The following TMOD2 variants were observed in gnomAD, a reference collection of about 807,000 sequenced individuals.
The protein encoded by TMOD2 is tropomodulin-2.
Under a neutral mutation model 39.9 loss-of-function variants are expected in TMOD2, and 22 were observed. The ratio of observed to expected loss-of-function variants is 0.55; its 90% confidence interval spans 0.39 to 0.79. TMOD2 has a LOEUF of 0.79. TMOD2 is among the 30% of genes least tolerant of loss of function. The pLI is 0.00. For missense variants in TMOD2, 386 were observed against 413.3 expected (o/e 0.93, Z 0.57); for synonymous variants, 123 against 146.1 (o/e 0.84, Z 1.14).
chr15:51,795,577 GCTTTCTTTCTTTCTTT>G lies in TMOD2; in HGVS notation c.733-2573_733-2558del, dbSNP rs202116010. On this transcript the variant is annotated intron_variant, in intron 7 of 9. Transcript: ENST00000249700. ...CTTCTTCTCTTCTGCTTGCTTGCTT[GCTTTCTTTCTTTCTTT>G]CTTTCTTTCTTTCTTTCTTTCTTTC... Among the ~76,000 whole-genome samples, 399 of 42,056 alleles carry G rather than the reference GCTTTCTTTCTTTCTTT, an allele frequency of 9.5e-3. 4 individuals are homozygous for G. Among genetic ancestry groups the G allele is most frequent in the Admixed American group, 0.033 (122 of 3,688 alleles). The allele number at this position is 42,056 out of a possible 152,430, so 27.6% of individuals were successfully genotyped here.
In TMOD2 at chr15:51,809,343, T is replaced by C. The variant is rs1335886736; in HGVS notation, c.*889T>C. ...GCTGTCTGATGCAGATGATTGCATTTTTTGGCAAATTTTAGAAGCATTTAT... is the reference window on the plus strand; with the variant it reads ...GCTGTCTGATGCAGATGATTGCATTCTTTGGCAAATTTTAGAAGCATTTAT... On this transcript the variant is annotated 3_prime_UTR_variant, in exon 10 of 10. Coordinates refer to ENST00000249700, the MANE Select transcript of TMOD2 (RefSeq NM_014548.4). The C allele has an allele frequency of 6.6e-6, 1 of 152,668 alleles. No individual in the cohort carries two copies. Among genetic ancestry groups the C allele is most frequent in the Non-Finnish European group, 1.5e-5 (1 of 68,054 alleles). The allele number at this position is 152,668 out of a possible 1,614,324, so 9.5% of individuals were successfully genotyped here.
At chr15:51,777,078 G>T in intron 5 of TMOD2, 60 bp downstream of exon 5, 1 of 1,426,902 alleles carries the variant, frequency 7.0e-7, no homozygotes, top group East Asian at 2.3e-5. Flanking sequence ...GTTGCTGGTA[G>T]GAGAGAGGCC....
intron 3 of TMOD2, among the ~76,000 whole-genome samples, chr15:51,772,035 T>A (rs2055857146): frequency 6.6e-6 from 1 of 152,188 alleles, no homozygotes; most frequent in African/African-American, 2.4e-5. Context: ...TGTTTGCTTA[T>A]CCAGCCATTT....
intron 8 of TMOD2, among the ~76,000 whole-genome samples, chr15:51,799,838 A>C (rs2056076739): frequency 1.3e-5 from 2 of 152,204 alleles, no homozygotes; most frequent in Non-Finnish European, 2.9e-5. Context: ...GTGGGCACTT[A>C]GTAAATATTT....
At chr15:51,779,420 G>A (rs1292882363) in intron 5 of TMOD2, among the ~76,000 whole-genome samples, 1 of 148,860 alleles carries the variant, frequency 6.7e-6, no homozygotes, top group African/African-American at 2.5e-5. Flanking sequence ...TCGCTCTGTT[G>A]CCCAGGCTGG....
Position 51,809,345 on chromosome 15 carries a change from T to C in TMOD2, c.*891T>C, listed in dbSNP as rs2056141299. The C allele has an allele frequency of 6.5e-6, 1 of 152,672 alleles. No individual in the cohort carries two copies. The highest frequency in any genetic ancestry group is 1.9e-4 in the East Asian group (1 of 5,204). 9.5% of individuals were successfully genotyped at this position (152,672 alleles called of 1,614,324 possible). On this transcript the variant is annotated 3_prime_UTR_variant, in exon 10 of 10. Transcript: ENST00000249700. Reference sequence around the variant, plus strand: ...TGTCTGATGCAGATGATTGCATTTTTTGGCAAATTTTAGAAGCATTTATTG... The same window carrying C: ...TGTCTGATGCAGATGATTGCATTTTCTGGCAAATTTTAGAAGCATTTATTG...
intron 7 of TMOD2, among the ~76,000 whole-genome samples, chr15:51,789,186 T>TA (rs1045809173): frequency 2.0e-5 from 3 of 151,172 alleles, no homozygotes; most frequent in African/African-American, 7.3e-5. Flanking sequence ...AAATGGAAAG[T>TA]AAAAAAAAGC....
At chr15:51,808,356 G>GT in intron 9 of TMOD2, 64 bp from the exon 10 acceptor site, 1 of 1,359,172 alleles carries the variant, frequency 7.4e-7, no homozygotes, top group Non-Finnish European at 1.0e-6. Flanking sequence ...GATTAATGTT[G>GT]TTTATCTGGA....
At position 51,808,653 on chromosome 15, in the gene TMOD2, A is replaced by G. The variant is rs2056136723; in HGVS notation, c.*199A>G. ...ATATATGCAATTGTTTTATTTGCTC[A>G]TGGGCACTTCTGGCAACTTGACAAA... is the stretch of plus-strand genomic sequence containing the variant. On this transcript the variant is annotated 3_prime_UTR_variant, in exon 10 of 10. Transcript: ENST00000249700. 9.8e-6 allele frequency: 4 copies of G among 407,096 alleles called. No homozygotes were observed. The highest frequency in any genetic ancestry group is 1.7e-5 in the Non-Finnish European group (4 of 229,564). The allele number at this position is 407,096 out of a possible 1,614,324, so 25.2% of individuals were successfully genotyped here.
Position 51,809,872 on chromosome 15 carries a change from A to C in TMOD2, c.*1418A>C, listed in dbSNP as rs1487511127. 1.3e-5 allele frequency: 2 copies of C among 152,222 alleles called. No individual in the cohort carries two copies. Among genetic ancestry groups the C allele is most frequent in the Admixed American group, 6.5e-5 (1 of 15,286 alleles). 9.4% of individuals were successfully genotyped at this position (152,222 alleles called of 1,614,324 possible). On this transcript the variant is annotated 3_prime_UTR_variant, in exon 10 of 10. Transcript: ENST00000249700. ...AGCAATAAAACAAGTGAATAGGAAA[A>C]TAATTAATATATTATTCTATTTAGC...
intron 9 of TMOD2, among the ~76,000 whole-genome samples, 168 bp from the exon 10 acceptor site, chr15:51,808,252 C>T (rs1012414447): frequency 2.0e-5 from 3 of 152,168 alleles, no homozygotes; most frequent in Non-Finnish European, 4.4e-5. Context: ...CCACCAGACA[C>T]TGGATGAATT....
At chr15:51,754,634 A>C (rs1039741798) in intron 1 of TMOD2, among the ~76,000 whole-genome samples, 1 of 152,234 alleles carries the variant, frequency 6.6e-6, no homozygotes, top group Non-Finnish European at 1.5e-5. Context: ...GTACTTGTGA[A>C]TCTCTCAGTC....
chr15:51,764,444 A>C (rs1341754559), intron 1 of TMOD2, among the ~76,000 whole-genome samples: 9 of 152,226 alleles, frequency 5.9e-5, no homozygotes, highest in Non-Finnish European at 2.9e-5. Context: ...AGGGAACACT[A>C]TTCCAATAGC....
intron 2 of TMOD2, 33 bp downstream of exon 2, chr15:51,766,600 A>G: frequency 1.2e-6 from 2 of 1,606,196 alleles, no homozygotes; most frequent in Non-Finnish European, 1.7e-6. Context: ...AGAGTGGTTA[A>G]TGATAGTATG....
chr15:51,782,654 G>T, intron 6 of TMOD2, 67 bp from the exon 7 acceptor site: 1 of 1,233,368 alleles, frequency 8.1e-7, no homozygotes, highest in South Asian at 1.2e-5. Flanking sequence ...AAAGGTTGTG[G>T]GTTCTTACCT....
intron 8 of TMOD2, among the ~76,000 whole-genome samples, chr15:51,804,861 C>T (rs1239453280): frequency 6.6e-6 from 1 of 151,920 alleles, no homozygotes; most frequent in Non-Finnish European, 1.5e-5. Context: ...ATGTGAGCCA[C>T]TGCGCCTAGC....
chr15:51,808,443 G>A lies in TMOD2; in HGVS notation c.1045G>A (p.Asp349Asn). The part of the protein sequence containing the change: ...DLVRKKRVEA[D>N]RR ...AGTTCGTAAGAAGAGAGTTGAAGCA[G>A]ACCGAAGGTAAACTTCCTTGAGGAG... The change falls in exon 10 of 10, where the codon GAC becomes AAC. Residue 349 changes from aspartate to asparagine, a missense_variant. Asp to Asn is a conservative substitution (Grantham distance 23, BLOSUM62 1). Transcript: ENST00000249700. The A allele has an allele frequency of 6.2e-7, 1 of 1,612,726 alleles. No homozygotes were observed. Among genetic ancestry groups the A allele is most frequent in the Non-Finnish European group, 8.5e-7 (1 of 1,179,300 alleles).
chr15:51,763,108 A>T (rs201998628), intron 1 of TMOD2, among the ~76,000 whole-genome samples: 2,514 of 134,252 alleles, frequency 0.019, 89 homozygotes, highest in East Asian at 0.077. Flanking sequence ...CTAATTTTTA[A>T]AAAAAAAAAT....
At chr15:51,792,548 TAA>T (rs1477938844) in intron 7 of TMOD2, among the ~76,000 whole-genome samples, 2 of 152,130 alleles carry the variant, frequency 1.3e-5, no homozygotes, top group African/African-American at 4.8e-5. Context: ...CATTCTACTA[TAA>T]AGACACATGC....
Sources: gnomAD v4.1 joint callset for allele counts (sites outside exome capture counted in the v4.1 genomes callset) on GRCh38, gnomAD v4.1.1 for gene constraint, MANE v1.5 for transcripts, NCBI Gene and HGNC (gene_info 2026-07-23, HGNC 2026-07-21) for gene names.